SPAG16: variants seen among roughly 807,000 people sequenced by gnomAD.
SPAG16 encodes the protein sperm associated antigen 16.
In SPAG16, 86 loss-of-function variants were observed where a neutral mutation model predicts 80.4. That is an observed-to-expected ratio of 1.07 (90% CI 0.90 to 1.28). The LOEUF is 1.28. Ranked by LOEUF, SPAG16 falls within the 50% of genes most tolerant of loss-of-function variation. The pLI is 0.00. For synonymous variants in SPAG16, 294 were observed against 265.9 expected, an observed-to-expected ratio of 1.11 and a Z score of -1.03; for missense variants, 870 against 765.3, an observed-to-expected ratio of 1.14 and a Z score of -1.61.
At chr2:214,378,488 G>A (rs1700259095) in intron 15 of SPAG16, among the ~76,000 whole-genome samples, 1 of 152,142 alleles carries the variant, frequency 6.6e-6, no homozygotes, top group Non-Finnish European at 1.5e-5. Flanking sequence ...CCTGAAACTG[G>A]TTCCCTTATA....
At chr2:213,681,558 T>A (rs1166812735) in intron 10 of SPAG16, among the ~76,000 whole-genome samples, 1 of 152,160 alleles carries the variant, frequency 6.6e-6, no homozygotes, top group Non-Finnish European at 1.5e-5. Flanking sequence ...ATGGCCAGGT[T>A]ATGAATGAGC....
At chr2:214,122,955 T>A (rs1249379689) in intron 14 of SPAG16, among the ~76,000 whole-genome samples, 1 of 151,960 alleles carries the variant, frequency 6.6e-6, no homozygotes, top group Non-Finnish European at 1.5e-5. Context: ...TAATTTTATA[T>A]CTCAAGCCCA....
At chr2:214,139,521 G>A (rs1320092254) in intron 14 of SPAG16, among the ~76,000 whole-genome samples, 1 of 151,686 alleles carries the variant, frequency 6.6e-6, no homozygotes, top group African/African-American at 2.4e-5. Context: ...TTTCTATTCT[G>A]TAGAAAAGAG....
chr2:213,933,484 G>A (rs1207958501), intron 12 of SPAG16, among the ~76,000 whole-genome samples: 1 of 152,184 alleles, frequency 6.6e-6, no homozygotes, highest in African/African-American at 2.4e-5. Context: ...ATTTGACTGA[G>A]CAGTTATATC....
intron 15 of SPAG16, among the ~76,000 whole-genome samples, chr2:214,337,166 A>G (rs1037160610): frequency 6.6e-6 from 1 of 151,940 alleles, no homozygotes; most frequent in Admixed American, 6.6e-5. Flanking sequence ...GCTGTGTCCA[A>G]ACTAATTTTT....
At chr2:213,764,582 T>A (rs941710484) in intron 10 of SPAG16, among the ~76,000 whole-genome samples, 1 of 152,208 alleles carries the variant, frequency 6.6e-6, no homozygotes, top group African/African-American at 2.4e-5. Flanking sequence ...GAACTTCTTT[T>A]ATTTATATAG....
At chr2:213,540,028 A>AGTT (rs1559234806) in intron 10 of SPAG16, among the ~76,000 whole-genome samples, 1 of 130,456 alleles carries the variant, frequency 7.7e-6, no homozygotes, top group African/African-American at 2.7e-5. Context: ...TATATTTCTT[A>AGTT]ATTTTTTTTT....
At chr2:214,254,456 T>G (rs2125856563) in intron 15 of SPAG16, among the ~76,000 whole-genome samples, 1 of 152,280 alleles carries the variant, frequency 6.6e-6, no homozygotes, top group Non-Finnish European at 1.5e-5. Context: ...TTGAGATACG[T>G]TCCGTTAATA....
At chr2:213,512,205 G>C (rs970547993) in intron 10 of SPAG16, among the ~76,000 whole-genome samples, 1 of 152,054 alleles carries the variant, frequency 6.6e-6, no homozygotes, top group African/African-American at 2.4e-5. Flanking sequence ...AGGGAAAGAA[G>C]CATATAAAGG....
intron 9 of SPAG16, chr2:213,396,706 C>G (rs1449306993): frequency 4.4e-6 from 2 of 450,060 alleles, no homozygotes; most frequent in Non-Finnish European, 8.9e-6. Context: ...TGCCCATCTT[C>G]AGGACATTTG....
At chr2:213,378,572 A>G (rs2067008245) in intron 9 of SPAG16, among the ~76,000 whole-genome samples, 1 of 152,226 alleles carries the variant, frequency 6.6e-6, no homozygotes, top group African/African-American at 2.4e-5. Flanking sequence ...AAATAAAACG[A>G]AGGTATATTC....
intron 12 of SPAG16, 99 bp downstream of exon 12, chr2:213,930,244 G>T: frequency 1.2e-6 from 1 of 833,864 alleles, no homozygotes; most frequent in Non-Finnish European, 1.8e-6. Context: ...GCTACCCCAG[G>T]GAAACATTAA....
intron 14 of SPAG16, among the ~76,000 whole-genome samples, chr2:214,139,946 A>G (rs1576327608): frequency 6.6e-6 from 1 of 152,138 alleles, no homozygotes; most frequent in South Asian, 2.1e-4. Flanking sequence ...AAATCCCAAA[A>G]CCCACCTATG....
intron 14 of SPAG16, among the ~76,000 whole-genome samples, chr2:214,141,925 T>C (rs891161265): frequency 6.6e-6 from 1 of 152,206 alleles, no homozygotes; most frequent in African/African-American, 2.4e-5. Flanking sequence ...ATATTTTTCT[T>C]CAATTCTGGC....
At chr2:213,637,111 ACCTTAAGTTATGTC>A (rs1219029751) in intron 10 of SPAG16, among the ~76,000 whole-genome samples, 2 of 152,044 alleles carry the variant, frequency 1.3e-5, no homozygotes, top group South Asian at 2.1e-4. Context: ...GACTTTTATT[ACCTTAAGTTATGTC>A]CCTTCTATGC....
chr2:213,824,813 G>A (rs1401603230), intron 10 of SPAG16, among the ~76,000 whole-genome samples: 1 of 152,034 alleles, frequency 6.6e-6, no homozygotes, highest in Non-Finnish European at 1.5e-5. Context: ...AAAATCCATA[G>A]ATTTCTTTGG....
intron 9 of SPAG16, among the ~76,000 whole-genome samples, chr2:213,432,815 C>T (rs1384120279): frequency 6.6e-6 from 1 of 152,014 alleles, no homozygotes; most frequent in Non-Finnish European, 1.5e-5. Context: ...AAAGTATAGA[C>T]AAATATCCCG....
intron 15 of SPAG16, among the ~76,000 whole-genome samples, chr2:214,326,944 C>CAAAAAAA (rs5838428): frequency 6.2e-5 from 4 of 64,466 alleles, no homozygotes; most frequent in Non-Finnish European, 1.1e-4. Flanking sequence ...GACTAAGTCT[C>CAAAAAAA]AAAAAAAAAA....
intron 9 of SPAG16, among the ~76,000 whole-genome samples, chr2:213,446,065 G>T (rs760995997): frequency 6.6e-6 from 1 of 152,114 alleles, no homozygotes; most frequent in Non-Finnish European, 1.5e-5. Flanking sequence ...ACCCTAAAGA[G>T]CATCAAAGAA....
Sources: gnomAD v4.1 joint callset for allele counts (sites outside exome capture counted in the v4.1 genomes callset) on GRCh38, gnomAD v4.1.1 for gene constraint, MANE v1.5 for transcripts, NCBI Gene and HGNC (gene_info 2026-07-23, HGNC 2026-07-21) for gene names.